The following ZSWIM3 variants were observed in gnomAD, a reference collection of about 807,000 sequenced individuals.
ZSWIM3 encodes zinc finger SWIM domain-containing protein 3.
In ZSWIM3, 27 loss-of-function variants were observed where a neutral mutation model predicts 47.5. The ratio of observed to expected loss-of-function variants is 0.57; its 90% CI spans 0.42 to 0.78. The LOEUF (loss-of-function observed/expected upper bound fraction) is 0.78. ZSWIM3 is among the 30% of genes least tolerant of loss of function. The probability of loss-of-function intolerance (pLI) is 0.00; values close to 1 mark genes in which losing one functional copy is unlikely to be tolerated. For synonymous variants in ZSWIM3, 333 were observed against 333.9 expected (o/e 1.00, Z 0.03); for missense variants, 689 against 861.3 (o/e 0.80, Z 2.50).
At chr20:45,859,580 A>G (rs954484882) in intron 1 of ZSWIM3, among the ~76,000 whole-genome samples, 2 of 152,100 alleles carry the variant, frequency 1.3e-5, no homozygotes, top group African/African-American at 4.8e-5. Flanking sequence ...AGTACCATGG[A>G]GGCATTTGAC....
intron 1 of ZSWIM3, among the ~76,000 whole-genome samples, chr20:45,867,473 C>T (rs1445519711): frequency 6.6e-6 from 1 of 152,128 alleles, no homozygotes; most frequent in Admixed American, 6.6e-5. Context: ...GCTGTTCAAA[C>T]TGTTTTGTCT....
rs959247789 is a variant in ZSWIM3 at position 45,871,952 on chromosome 20, G to T, written c.156-4762G>T. Among the ~76,000 whole-genome samples, 11 of 152,080 alleles carry T rather than the reference G, an allele frequency of 7.2e-5. No individual in the cohort carries two copies. The East Asian group carries it at 2.1e-3, about 29-fold the overall frequency. On this transcript the variant is annotated intron_variant, in intron 1 of 1. Transcript: ENST00000255152. ...AATATGTTGGGAGTCAAGATGAGGA[G>T]GGTAAAAGTAGGAATTCAGAGAAAG...
chr20:45,865,716 G>A (rs1473738645), intron 1 of ZSWIM3, among the ~76,000 whole-genome samples: 4 of 151,768 alleles, frequency 2.6e-5, no homozygotes, highest in Non-Finnish European at 5.9e-5. Context: ...AAAAATTCAG[G>A]GCTGGGCGTG....
chr20:45,870,696 T>A (rs1985955795), intron 1 of ZSWIM3, among the ~76,000 whole-genome samples: 1 of 152,102 alleles, frequency 6.6e-6, no homozygotes, highest in Non-Finnish European at 1.5e-5. Flanking sequence ...TTTATTTTTT[T>A]TTTTTTTACT....
At chr20:45,860,576 C>G (rs919392047) in intron 1 of ZSWIM3, among the ~76,000 whole-genome samples, 4 of 151,378 alleles carry the variant, frequency 2.6e-5, no homozygotes, top group Non-Finnish European at 5.9e-5. Flanking sequence ...AGAGGCTGCC[C>G]AACACACCTT....
At position 45,877,825 on chromosome 20, in the gene ZSWIM3, A is replaced by G. The variant is rs758933681; in HGVS notation, c.1267A>G (p.Ile423Val). ...CTGCATCCTCTGCTTTGTGGATTACATAGACTTCTTTAATACCAAAGGCTT... is the reference window on the plus strand; with the variant it reads ...CTGCATCCTCTGCTTTGTGGATTACGTAGACTTCTTTAATACCAAAGGCTT... ...LDCILCFVDY[I>V]DFFNTKGLKN... The change falls in exon 2 of 2, where the codon ATA becomes GTA. Residue 423 changes from isoleucine to valine, a missense_variant. Ile to Val is a conservative substitution (Grantham distance 29). Transcript: ENST00000255152. The G allele has an allele frequency of 6.2e-7, 1 of 1,614,198 alleles. No homozygotes were observed. The highest frequency in any genetic ancestry group is 2.2e-5 in the East Asian group (1 of 44,882).
At position 45,876,839 on chromosome 20, in the gene ZSWIM3, G is replaced by A; in HGVS notation, c.281G>A (p.Ser94Asn). Reference protein sequence around the residue: ...YNERLDRLFISELNTQHIHGD... With the variant: ...YNERLDRLFINELNTQHIHGD... ...GAGAGACTAGATAGACTATTTATCA[G>A]TGAACTAAACACACAGCACATACAT... The change falls in exon 2 of 2, where the codon AGT becomes AAT. Residue 94 changes from serine (S) to asparagine (N), a missense_variant. Physicochemically the swap from Ser to Asn is conservative, Grantham distance 46 (BLOSUM62 1). Transcript: ENST00000255152. The A allele has an allele frequency of 1.2e-6, 2 of 1,614,186 alleles. No homozygotes were observed.
chr20:45,871,864 GA>G lies in ZSWIM3; in HGVS notation c.156-4837del, dbSNP rs11410450. 2.9e-3 allele frequency among the ~76,000 whole-genome samples: 381 copies of G among 131,908 alleles called. 1 individual carries two copies. Among genetic ancestry groups the G allele is most frequent in the Non-Finnish European group, 3.8e-3 (240 of 63,082 alleles). The allele number at this position is 131,908 out of a possible 152,430, so 86.5% of individuals were successfully genotyped here. A position where few individuals can be genotyped will look rare whatever the true frequency, so the allele number is the denominator to read the frequency against. Reference sequence around the variant, plus strand: ...CAACAGAACGAATATCTGTCTCAAAGAAAAAAAAAAAAAGAAAAAAAAAGTA... The same window carrying G: ...CAACAGAACGAATATCTGTCTCAAAGAAAAAAAAAAAAGAAAAAAAAAGTA... On this transcript the variant is annotated intron_variant, in intron 1 of 1. Coordinates refer to ENST00000255152, the MANE Select transcript of ZSWIM3 (RefSeq NM_080752.4).
chr20:45,862,206 G>A (rs1985725575), intron 1 of ZSWIM3, among the ~76,000 whole-genome samples: 1 of 149,402 alleles, frequency 6.7e-6, no homozygotes, highest in African/African-American at 2.5e-5. Flanking sequence ...GGAGTGCAGT[G>A]GCGCGATCTT....
intron 1 of ZSWIM3, chr20:45,872,618 G>T: frequency 2.1e-6 from 2 of 946,770 alleles, no homozygotes; most frequent in Non-Finnish European, 2.8e-6. Flanking sequence ...CATGCACAAA[G>T]GTGAGACAGA....
chr20:45,873,483 G>A (rs1245877166), intron 1 of ZSWIM3, among the ~76,000 whole-genome samples: 1 of 151,992 alleles, frequency 6.6e-6, no homozygotes, highest in African/African-American at 2.4e-5. Context: ...TGACACTTGA[G>A]GACATCCCCA....
In ZSWIM3 at chr20:45,876,835, A is replaced by G; in HGVS notation, c.277A>G (p.Ile93Val). 1 of 1,614,190 alleles carries G rather than the reference A, an allele frequency of 6.2e-7. No homozygotes were observed. ...RYNERLDRLF[I>V]SELNTQHIHG... ...CAACGAGAGACTAGATAGACTATTT[A>G]TCAGTGAACTAAACACACAGCACAT... The change falls in exon 2 of 2, where the codon ATC becomes GTC. Residue 93 changes from isoleucine (I) to valine (V), a missense_variant. Coordinates refer to ENST00000255152, the MANE Select transcript of ZSWIM3 (RefSeq NM_080752.4).
intron 1 of ZSWIM3, among the ~76,000 whole-genome samples, chr20:45,859,984 G>A (rs1427066774): frequency 1.3e-5 from 2 of 152,062 alleles, no homozygotes; most frequent in African/African-American, 2.4e-5. Flanking sequence ...AAATCACTGC[G>A]AGCTAGAGAC....
At chr20:45,863,176 TTTTTG>T (rs1238862879) in intron 1 of ZSWIM3, among the ~76,000 whole-genome samples, 2 of 109,334 alleles carry the variant, frequency 1.8e-5, no homozygotes, top group Non-Finnish European at 2.1e-5. Context: ...CTTGTTTTTT[TTTTTG>T]TTTGTTTGTT....
chr20:45,860,536 G>T (rs1422110696), intron 1 of ZSWIM3, among the ~76,000 whole-genome samples: 2 of 110,796 alleles, frequency 1.8e-5, no homozygotes, highest in East Asian at 5.1e-4. Flanking sequence ...AAAAAAAAAA[G>T]AATCCTTTTC....
At chr20:45,860,530 A>AAT (rs1440532041) in intron 1 of ZSWIM3, among the ~76,000 whole-genome samples, 1 of 118,044 alleles carries the variant, frequency 8.5e-6, no homozygotes, top group Non-Finnish European at 2.0e-5. Flanking sequence ...AAAAAAAAAA[A>AAT]AAAAAGAATC....
At position 45,878,374 on chromosome 20, in the gene ZSWIM3, AAC is replaced by A; in HGVS notation, c.1820_1821del (p.Thr607ArgfsTer4). On this transcript the variant is annotated frameshift_variant, in exon 2 of 2. Transcript: ENST00000255152. LOFTEE classifies it high-confidence loss of function. The stretch of plus-strand genomic sequence containing the variant: ...GCTCCAGGATCGTGGTATGGTCCCA[AAC>A]ACAGGCCAGCCTGAGAAGCAAGGAC... Reference protein sequence around the residue: ...GELQDRGMVPNTGQPEKQGRN... With the variant: ...GELQDRGMVPXTGQPEKQGRN... 2 of 1,614,218 alleles carry A rather than the reference AAC, an allele frequency of 1.2e-6. No individual in the cohort carries two copies. Among genetic ancestry groups the A allele is most frequent in the Non-Finnish European group, 1.7e-6 (2 of 1,180,026 alleles).
intron 1 of ZSWIM3, among the ~76,000 whole-genome samples, chr20:45,869,827 G>C (rs1318867088): frequency 6.6e-6 from 1 of 151,808 alleles, no homozygotes; most frequent in Non-Finnish European, 1.5e-5. Context: ...GGTGGATCAC[G>C]AGGTCAGGAG....
In ZSWIM3 at chr20:45,877,718, C is replaced by A. The variant is rs376993225; in HGVS notation, c.1160C>A (p.Ala387Glu). The A allele has an allele frequency of 1.9e-6, 3 of 1,613,942 alleles. No individual in the cohort carries two copies. The highest frequency in any genetic ancestry group is 1.7e-6 in the Non-Finnish European group (2 of 1,179,900). Residue 387 changes from alanine (A) to glutamate (E), a missense_variant, in exon 2 of 2, where the codon GCG becomes GAG. By Grantham distance (107) the Ala-to-Glu change is moderately radical. Transcript: ENST00000255152. ...WYMHVRKGLL[A>E]CNTYMDSLDI... ...ATGCATGTTAGGAAGGGCCTGCTTG[C>A]GTGTAACACCTACATGGACAGCCTA...
Sources: allele counts gnomAD v4.1 joint callset (sites outside exome capture counted in the v4.1 genomes callset), GRCh38; gene constraint gnomAD v4.1.1; transcripts MANE v1.5; gene names NCBI Gene and HGNC (gene_info 2026-07-23, HGNC 2026-07-21).